CFAP61: variants seen among roughly 807,000 people sequenced by gnomAD.
The protein encoded by CFAP61 is cilia- and flagella-associated protein 61.
CFAP61 carries 107 observed loss-of-function variants against 135.6 expected under a neutral mutation model. That is an observed-to-expected ratio of 0.79 (90% CI 0.67 to 0.93). The LOEUF is 0.93. Ranked by LOEUF, CFAP61 falls within the 40% of genes least tolerant of loss-of-function variation. CFAP61 has a pLI of 0.00. For synonymous variants in CFAP61, 575 were observed against 578.5 expected (o/e 0.99, Z 0.09); for missense variants, 1,507 against 1,556.2 (o/e 0.97, Z 0.53).
At chr20:20,326,562 G>T (rs1363133428) in intron 25 of CFAP61, among the ~76,000 whole-genome samples, 1 of 152,186 alleles carries the variant, frequency 6.6e-6, no homozygotes, top group Non-Finnish European at 1.5e-5. Context: ...GTTTCCAAGT[G>T]TAGAGATAAT....
chr20:20,263,763 G>A (rs747422602), intron 21 of CFAP61, among the ~76,000 whole-genome samples: 7 of 152,124 alleles, frequency 4.6e-5, no homozygotes, highest in African/African-American at 9.7e-5. Flanking sequence ...GGCTACCTTT[G>A]TGTCTTTAAT....
intron 25 of CFAP61, among the ~76,000 whole-genome samples, chr20:20,325,487 C>G (rs1031459123): frequency 1.1e-4 from 16 of 152,182 alleles, no homozygotes; most frequent in Non-Finnish European, 2.1e-4. Flanking sequence ...TGGAATCATT[C>G]AGTATGTATG....
chr20:20,141,010 C>T (rs533889537), intron 8 of CFAP61, among the ~76,000 whole-genome samples: 19 of 151,910 alleles, frequency 1.3e-4, no homozygotes, highest in African/African-American at 4.6e-4. Flanking sequence ...GCAACCTCCG[C>T]CTCCCAGGTT....
At chr20:20,149,338 G>A (rs1460470986) in intron 9 of CFAP61, among the ~76,000 whole-genome samples, 1 of 152,176 alleles carries the variant, frequency 6.6e-6, no homozygotes, top group Admixed American at 6.5e-5. Flanking sequence ...ACTGGAAGAT[G>A]GCAGATAGGA....
intron 9 of CFAP61, 94 bp downstream of exon 9, chr20:20,143,042 G>A (rs755255524): frequency 8.1e-6 from 6 of 737,896 alleles, no homozygotes; most frequent in Admixed American, 2.7e-5. Context: ...GCGTCACTAC[G>A]GAGAAGTTCT....
At chr20:20,356,481 T>G (rs1283293732) in intron 26 of CFAP61, among the ~76,000 whole-genome samples, 13 of 85,390 alleles carry the variant, frequency 1.5e-4, no homozygotes, top group Admixed American at 4.1e-4. Flanking sequence ...TGAGGGGAGG[T>G]GGTCACAGTG....
chr20:20,211,101 T>C (rs1441095259), intron 17 of CFAP61, among the ~76,000 whole-genome samples: 1 of 152,236 alleles, frequency 6.6e-6, no homozygotes, highest in East Asian at 1.9e-4. Context: ...TTAGTAATTT[T>C]CCTAAAGCAA....
At chr20:20,095,491 AG>A (rs1295418717) in intron 7 of CFAP61, 1 of 152,292 alleles carries the variant, frequency 6.6e-6, no homozygotes, top group Non-Finnish European at 1.5e-5. Context: ...AAGGGTTTTT[AG>A]TTACAAGGAC....
At chr20:20,252,231 G>C (rs2050987819) in intron 20 of CFAP61, among the ~76,000 whole-genome samples, 2 of 152,188 alleles carry the variant, frequency 1.3e-5, no homozygotes, top group Non-Finnish European at 2.9e-5. Context: ...TAGGAAATCT[G>C]ATTGATTGGT....
chr20:20,097,475 C>T (rs777664036), intron 7 of CFAP61, among the ~76,000 whole-genome samples: 2 of 152,110 alleles, frequency 1.3e-5, no homozygotes, highest in South Asian at 4.2e-4. Flanking sequence ...TACAGAATTA[C>T]TTAAGGGATA....
intron 12 of CFAP61, among the ~76,000 whole-genome samples, chr20:20,167,122 G>A (rs1395952204): frequency 6.6e-6 from 1 of 152,160 alleles, no homozygotes; most frequent in East Asian, 1.9e-4. Context: ...ATTAAGTAAA[G>A]TCAACAACTG....
chr20:20,336,887 A>G (rs1460317004), intron 25 of CFAP61, among the ~76,000 whole-genome samples: 2 of 152,114 alleles, frequency 1.3e-5, no homozygotes, highest in Non-Finnish European at 2.9e-5. Context: ...TGGCTCTGAC[A>G]TTCTCCACCC....
At chr20:20,088,554 C>A (rs1371998493) in intron 6 of CFAP61, among the ~76,000 whole-genome samples, 1 of 152,076 alleles carries the variant, frequency 6.6e-6, no homozygotes, top group African/African-American at 2.4e-5. Context: ...GGGCAGTCAC[C>A]CCCATGATTC....
rs2048695037 is a variant in CFAP61, at chr20:20,225,720, T to A, written c.1933-2529T>A. 4 of 152,242 alleles carry A rather than the reference T, an allele frequency of 2.6e-5. No homozygotes were observed. In the South Asian group the frequency reaches 8.3e-4, roughly 31 times the overall value. 9.4% of individuals were successfully genotyped at this position (152,242 alleles called of 1,614,324 possible). On this transcript the variant is annotated intron_variant, in intron 17 of 26. Coordinates refer to ENST00000245957, the MANE Select transcript of CFAP61 (RefSeq NM_015585.4). ...TCTTGGCTTCTGACCTCTGTCAAGA[T>A]GCTTGCATTTTAAATCTGTTAACTA... is the stretch of plus-strand genomic sequence containing the variant.
At chr20:20,078,136 A>G (rs2046187009) in intron 6 of CFAP61, among the ~76,000 whole-genome samples, 1 of 152,220 alleles carries the variant, frequency 6.6e-6, no homozygotes, top group Non-Finnish European at 1.5e-5. Context: ...TGTCATTCTT[A>G]AGATCTCTGT....
chr20:20,089,824 T>G (rs1568874755), intron 6 of CFAP61, among the ~76,000 whole-genome samples: 1 of 151,942 alleles, frequency 6.6e-6, no homozygotes, highest in Non-Finnish European at 1.5e-5. Context: ...GGAAGCGGAG[T>G]GGATGTCCCC....
chr20:20,218,225 G>T (rs1341767678), intron 17 of CFAP61, among the ~76,000 whole-genome samples: 2 of 152,162 alleles, frequency 1.3e-5, no homozygotes, highest in African/African-American at 4.8e-5. Flanking sequence ...AGAGGTAATT[G>T]AATCATGGGG....
intron 20 of CFAP61, among the ~76,000 whole-genome samples, chr20:20,251,983 C>T (rs1053554925): frequency 6.6e-6 from 1 of 152,146 alleles, no homozygotes; most frequent in African/African-American, 2.4e-5. Context: ...ACATTCTGCT[C>T]GAGGATAAAA....
chr20:20,305,108 G>A (rs1422933764), intron 25 of CFAP61, among the ~76,000 whole-genome samples: 3 of 150,692 alleles, frequency 2.0e-5, no homozygotes, highest in South Asian at 2.1e-4. Flanking sequence ...CGGCCCTCGC[G>A]CCCGCGCCAC....
Sources: gnomAD v4.1 joint callset for allele counts (sites outside exome capture counted in the v4.1 genomes callset) on GRCh38, gnomAD v4.1.1 for gene constraint, MANE v1.5 for transcripts, NCBI Gene and HGNC (gene_info 2026-07-23, HGNC 2026-07-21) for gene names.